COL26A1: variants seen among roughly 807,000 people sequenced by gnomAD.
The protein encoded by COL26A1 is collagen type XXVI alpha 1 chain.
Under a neutral mutation model 59.3 loss-of-function variants are expected in COL26A1, and 41 were observed. That is an observed-to-expected ratio of 0.69 (90% CI 0.54 to 0.90). The LOEUF (loss-of-function observed/expected upper bound fraction) is 0.90, where lower values mean the gene tolerates loss of function less well. Among genes scored for constraint, COL26A1 ranks in the 40% least tolerant of loss-of-function variants. COL26A1 has a pLI of 0.00. For synonymous variants in COL26A1, 266 were observed against 256.0 expected, an observed-to-expected ratio of 1.04 and a Z score of -0.37; for missense variants, 612 against 602.3, an observed-to-expected ratio of 1.02 and a Z score of -0.17.
At position 101,387,751 on chromosome 7, in the gene COL26A1, TATTTATATATATATATATATATATATA is replaced by T. The variant is rs1429871609; in HGVS notation, c.158+24562_158+24588del. 7.0e-5 allele frequency among the ~76,000 whole-genome samples: 7 copies of T among 99,562 alleles called. 1 individual carries two copies. The highest frequency in any genetic ancestry group is 1.3e-4 in the Non-Finnish European group (7 of 52,900). 65.3% of individuals were successfully genotyped at this position (99,562 alleles called of 152,430 possible). A position where few individuals can be genotyped will look rare whatever the true frequency, so the allele number is the denominator to read the frequency against. On this transcript the variant is annotated intron_variant, in intron 1 of 12. Transcript: ENST00000313669. ...TTTAATATAATTATATATATATATA[TATTTATATATATATATATATATATATA>T]TTTTTTTTTAAGACAGAGTCTCACT...
chr7:101,387,700 ATATT>A (rs1791612972), intron 1 of COL26A1, among the ~76,000 whole-genome samples: 1 of 139,422 alleles, frequency 7.2e-6, no homozygotes, highest in Admixed American at 7.4e-5. Context: ...TTTTATATAT[ATATT>A]GTAATATTTT....
intron 3 of COL26A1, among the ~76,000 whole-genome samples, chr7:101,451,348 C>G (rs1793333658): frequency 1.4e-5 from 2 of 145,062 alleles, no homozygotes; most frequent in Non-Finnish European, 3.0e-5. Flanking sequence ...TCTATTTAAA[C>G]AATGTATGTA....
intron 4 of COL26A1, among the ~76,000 whole-genome samples, chr7:101,537,007 A>G (rs1309558065): frequency 6.6e-6 from 1 of 152,212 alleles, no homozygotes; most frequent in African/African-American, 2.4e-5. Context: ...GAGCTGGGAA[A>G]CTGAGTACCT....
At chr7:101,474,506 C>T (rs919939453) in intron 3 of COL26A1, among the ~76,000 whole-genome samples, 1 of 151,984 alleles carries the variant, frequency 6.6e-6, no homozygotes, top group African/African-American at 2.4e-5. Flanking sequence ...GTGGGAGGAT[C>T]GCTTGAGCCC....
chr7:101,522,642 A>G (rs1421424960), intron 3 of COL26A1, among the ~76,000 whole-genome samples: 1 of 152,082 alleles, frequency 6.6e-6, no homozygotes, highest in East Asian at 1.9e-4. Flanking sequence ...CCTGGCTTGT[A>G]TTTTCATGGG....
chr7:101,436,331 C>G (rs1319831788), intron 2 of COL26A1, among the ~76,000 whole-genome samples: 1 of 152,188 alleles, frequency 6.6e-6, no homozygotes, highest in Non-Finnish European at 1.5e-5. Flanking sequence ...TAATCCCCTG[C>G]CTCCCGCTCT....
At chr7:101,433,296 C>T (rs1420762387) in intron 2 of COL26A1, among the ~76,000 whole-genome samples, 1 of 152,058 alleles carries the variant, frequency 6.6e-6, no homozygotes, top group Non-Finnish European at 1.5e-5. Flanking sequence ...TGCACTCCAG[C>T]CTGAGCAACC....
chr7:101,468,888 C>T (rs1030446075), intron 3 of COL26A1, among the ~76,000 whole-genome samples: 2 of 152,186 alleles, frequency 1.3e-5, no homozygotes, highest in Admixed American at 6.5e-5. Context: ...AGTTCCCAGG[C>T]CTGGCTCCCA....
chr7:101,440,875 G>C (rs1358887219), intron 2 of COL26A1, among the ~76,000 whole-genome samples: 1 of 151,842 alleles, frequency 6.6e-6, no homozygotes, highest in Non-Finnish European at 1.5e-5. Context: ...TACTTGGGAG[G>C]CTGAGGCAGG....
intron 8 of COL26A1, 47 bp downstream of exon 8, chr7:101,547,286 G>A (rs1330919368): frequency 7.2e-7 from 1 of 1,393,746 alleles, no homozygotes; most frequent in Middle Eastern, 1.8e-4. Context: ...CATCCCCCCA[G>A]GGCTGGCCTG....
chr7:101,436,239 G>A (rs558302074), intron 2 of COL26A1, among the ~76,000 whole-genome samples: 4 of 152,272 alleles, frequency 2.6e-5, no homozygotes, highest in Non-Finnish European at 4.4e-5. Flanking sequence ...CTTGGATTCT[G>A]GGGAGGCTGG....
rs1485332913 is a variant in COL26A1, at chr7:101,471,567, G to GTTGTTTT, written c.385+23782_385+23783insGTTTTTT. On this transcript the variant is annotated intron_variant, in intron 3 of 12. Transcript: ENST00000313669. ...ATAATGTTTTGTTGTTGTTGTTGTT[G>GTTGTTTT]TTTGTTTTTTTTTTTTTTTTTTTTT... 1.4e-3 allele frequency among the ~76,000 whole-genome samples: 154 copies of GTTGTTTT among 112,390 alleles called. 5 individuals carry two copies. The highest frequency in any genetic ancestry group is 5.3e-3 in the African/African-American group (150 of 28,412). 73.7% of individuals were successfully genotyped at this position (112,390 alleles called of 152,430 possible).
chr7:101,443,988 C>T (rs1793123716), intron 2 of COL26A1, among the ~76,000 whole-genome samples: 1 of 151,634 alleles, frequency 6.6e-6, no homozygotes, highest in Non-Finnish European at 1.5e-5. Flanking sequence ...CCTCCCACCT[C>T]AGCCTCCCAA....
intron 1 of COL26A1, among the ~76,000 whole-genome samples, chr7:101,382,629 A>G (rs1355971885): frequency 2.0e-5 from 3 of 152,156 alleles, no homozygotes; most frequent in Non-Finnish European, 2.9e-5. Context: ...CTTTATCAAA[A>G]TATTCTTAGT....
intron 1 of COL26A1, among the ~76,000 whole-genome samples, chr7:101,398,879 G>A (rs1791925614): frequency 6.6e-6 from 1 of 152,144 alleles, no homozygotes; most frequent in African/African-American, 2.4e-5. Context: ...TATGGGAGGA[G>A]GGGCTGATTC....
intron 2 of COL26A1, among the ~76,000 whole-genome samples, chr7:101,430,642 T>C (rs774614156): frequency 1.3e-5 from 2 of 151,802 alleles, no homozygotes; most frequent in Non-Finnish European, 2.9e-5. Flanking sequence ...AAAAACACAA[T>C]TGATATTTAT....
intron 2 of COL26A1, among the ~76,000 whole-genome samples, chr7:101,446,174 TGA>T (rs1218924287): frequency 6.6e-6 from 1 of 151,994 alleles, no homozygotes; most frequent in East Asian, 1.9e-4. Context: ...AGACCATTCA[TGA>T]GAGGTCTGTC....
At chr7:101,387,561 A>C (rs1031573224) in intron 1 of COL26A1, among the ~76,000 whole-genome samples, 1 of 144,480 alleles carries the variant, frequency 6.9e-6, no homozygotes, top group African/African-American at 2.6e-5. Context: ...TTTTATTTTT[A>C]TTTTTTTTTG....
At chr7:101,386,544 G>T (rs189979992) in intron 1 of COL26A1, among the ~76,000 whole-genome samples, 70 of 152,298 alleles carry the variant, frequency 4.6e-4, no homozygotes, top group African/African-American at 1.7e-3. Flanking sequence ...CAGCTGAACC[G>T]CAGGCCCCTG....
Sources: gnomAD v4.1 joint callset for allele counts (sites outside exome capture counted in the v4.1 genomes callset) on GRCh38, gnomAD v4.1.1 for gene constraint, MANE v1.5 for transcripts, NCBI Gene and HGNC (gene_info 2026-07-23, HGNC 2026-07-21) for gene names.